Variants in JAKMIP2 observed in about 807,000 individuals in gnomAD.
The protein encoded by JAKMIP2 is janus kinase and microtubule-interacting protein 2.
JAKMIP2 carries 25 observed loss-of-function variants against 115.0 expected under a neutral mutation model. That is an observed-to-expected ratio of 0.22 (90% CI 0.16 to 0.30). The LOEUF (loss-of-function observed/expected upper bound fraction) is 0.30. Among genes scored for constraint, JAKMIP2 ranks in the 10% least tolerant of loss-of-function variants. The pLI, the probability that JAKMIP2 is intolerant of heterozygous loss-of-function variation, is 1.00. For synonymous variants in JAKMIP2, 334 were observed against 343.6 expected (o/e 0.97, Z 0.31); for missense variants, 642 against 957.6 (o/e 0.67, Z 4.35).
intron 1 of JAKMIP2, among the ~76,000 whole-genome samples, chr5:147,730,154 T>TA (rs1753673410): frequency 6.6e-6 from 1 of 152,192 alleles, no homozygotes. Flanking sequence ...CCAATACACT[T>TA]ACATTTGTTT....
At chr5:147,623,006 C>T (rs1011576857) in intron 17 of JAKMIP2, among the ~76,000 whole-genome samples, 1 of 152,098 alleles carries the variant, frequency 6.6e-6, no homozygotes, top group African/African-American at 2.4e-5. Flanking sequence ...CTGTAGCCTC[C>T]ACCTCCTGGG....
Position 147,588,637 on chromosome 5 carries a change from T to C in JAKMIP2, c.*3070A>G, listed in dbSNP as rs1232573444. 6.6e-6 allele frequency: 1 copy of C among 152,106 alleles called. No individual in the cohort carries two copies. Among genetic ancestry groups the C allele is most frequent in the Non-Finnish European group, 1.5e-5 (1 of 68,012 alleles). 9.4% of individuals were successfully genotyped at this position (152,106 alleles called of 1,614,324 possible). ...GCTCATGAGCAAGAGTTGGTAAAAA[T>C]TACAGTTCAGTCTATAGTCTTGAGA... is the stretch of plus-strand genomic sequence containing the variant. On this transcript the variant is annotated 3_prime_UTR_variant, in exon 22 of 22. Coordinates refer to ENST00000616793, the MANE Select transcript of JAKMIP2 (RefSeq NM_001270941.2).
intron 1 of JAKMIP2, among the ~76,000 whole-genome samples, chr5:147,776,510 T>C (rs533306703): frequency 7.9e-5 from 12 of 152,346 alleles, no homozygotes; most frequent in South Asian, 4.1e-4. Flanking sequence ...CTTTCCTTTA[T>C]ACATTACCCG....
chr5:147,691,041 G>C (rs1561541000), intron 1 of JAKMIP2, among the ~76,000 whole-genome samples: 1 of 152,140 alleles, frequency 6.6e-6, no homozygotes, highest in East Asian at 1.9e-4. Flanking sequence ...CTCAAGATTG[G>C]TTAATGTGAC....
intron 6 of JAKMIP2, 127 bp downstream of exon 6, chr5:147,644,722 CT>C: frequency 3.6e-6 from 3 of 822,414 alleles, no homozygotes; most frequent in Non-Finnish European, 5.6e-6. Flanking sequence ...TTAAGGCTTC[CT>C]TGCTTACATA....
intron 20 of JAKMIP2, among the ~76,000 whole-genome samples, chr5:147,607,558 C>G (rs938401033): frequency 1.3e-5 from 2 of 152,142 alleles, no homozygotes; most frequent in African/African-American, 4.8e-5. Flanking sequence ...TTTTAATGTG[C>G]TGCTGGATTT....
chr5:147,681,612 G>T (rs1458846530), intron 1 of JAKMIP2, among the ~76,000 whole-genome samples: 1 of 152,150 alleles, frequency 6.6e-6, no homozygotes, highest in African/African-American at 2.4e-5. Flanking sequence ...GGACATGTGT[G>T]TGCTAAGCAA....
At chr5:147,594,018 A>G (rs1755227036) in intron 21 of JAKMIP2, among the ~76,000 whole-genome samples, 1 of 152,190 alleles carries the variant, frequency 6.6e-6, no homozygotes, top group Non-Finnish European at 1.5e-5. Flanking sequence ...CATCATTTCC[A>G]CCTATCACAA....
rs142687833 is a variant in JAKMIP2, at chr5:147,677,421, C to T, written c.-148-5467G>A. Among the ~76,000 whole-genome samples the T allele has an allele frequency of 3.6e-3, 550 of 152,180 alleles. 2 individuals carry two copies. The highest frequency in any genetic ancestry group is 0.012 in the African/African-American group (510 of 41,514). ...CAGAAGACTTTATATATTAAAAGAG[C>T]CCTTTATTTAGGAACTGGCACAAAA... is the stretch of plus-strand genomic sequence containing the variant. On this transcript the variant is annotated intron_variant, in intron 1 of 21. Transcript: ENST00000616793.
intron 1 of JAKMIP2, among the ~76,000 whole-genome samples, chr5:147,777,154 T>G (rs1222216338): frequency 1.3e-5 from 2 of 152,122 alleles, no homozygotes; most frequent in African/African-American, 2.4e-5. Context: ...ATGACCAAGG[T>G]TAATTTAATA....
chr5:147,591,772 A>C, intron 21 of JAKMIP2, 86 bp from the exon 22 acceptor site: 1 of 824,452 alleles, frequency 1.2e-6, no homozygotes, highest in Non-Finnish European at 2.0e-6. Context: ...AAAGACACAA[A>C]TTTTTTATTC....
At chr5:147,617,849 C>A in intron 19 of JAKMIP2, 62 bp downstream of exon 19, 3 of 1,310,712 alleles carry the variant, frequency 2.3e-6, no homozygotes, top group Non-Finnish European at 3.3e-6. Flanking sequence ...ATACCGTGTA[C>A]CTAGTACTAA....
At chr5:147,618,463 A>G (rs1756691781) in intron 18 of JAKMIP2, among the ~76,000 whole-genome samples, 1 of 152,118 alleles carries the variant, frequency 6.6e-6, no homozygotes, top group African/African-American at 2.4e-5. Flanking sequence ...CTGGCCAGGC[A>G]CGGTGGCTCA....
intron 19 of JAKMIP2, among the ~76,000 whole-genome samples, chr5:147,614,399 G>A (rs560726575): frequency 1.6e-4 from 24 of 152,150 alleles, no homozygotes; most frequent in Non-Finnish European, 2.8e-4. Flanking sequence ...ATCATATGAC[G>A]TATACTTGAT....
chr5:147,702,603 GGAAAGAAAGAAA>G (rs67153684), intron 1 of JAKMIP2, among the ~76,000 whole-genome samples: 16,476 of 91,066 alleles, frequency 0.18, 1,518 homozygotes, highest in Non-Finnish European at 0.2. Context: ...AAAGAAAGAA[GGAAAGAAAGAAA>G]GAAAGAAAGA....
At chr5:147,624,201 G>A (rs73268117) in intron 16 of JAKMIP2, among the ~76,000 whole-genome samples, 9,382 of 152,170 alleles carry the variant, frequency 0.062, 822 homozygotes, top group African/African-American at 0.19. Flanking sequence ...CACCCATTCA[G>A]CAAATGCATT....
intron 5 of JAKMIP2, among the ~76,000 whole-genome samples, chr5:147,647,083 G>A (rs571643249): frequency 5.7e-4 from 86 of 152,024 alleles, no homozygotes; most frequent in African/African-American, 1.8e-3. Context: ...TGCTAAAATT[G>A]ACTGTATGCT....
intron 9 of JAKMIP2, among the ~76,000 whole-genome samples, chr5:147,640,473 G>A (rs978784459): frequency 2.6e-5 from 4 of 152,146 alleles, no homozygotes; most frequent in African/African-American, 7.2e-5. Flanking sequence ...TTTGAAAGAA[G>A]TCTTCAAATT....
In JAKMIP2 at chr5:147,601,721, A is replaced by G; in HGVS notation, c.*20+20T>C. 6 of 1,495,230 alleles carry G rather than the reference A, an allele frequency of 4.0e-6. No individual in the cohort carries two copies. The highest frequency in any genetic ancestry group is 5.4e-6 in the Non-Finnish European group (6 of 1,116,722). 92.6% of individuals were successfully genotyped at this position (1,495,230 alleles called of 1,614,324 possible). A position where few individuals can be genotyped will look rare whatever the true frequency, so the allele number is the denominator to read the frequency against. On this transcript the variant is annotated intron_variant, in intron 21 of 21. Transcript: ENST00000616793. ...AAATACCTCTTAGAACCACATTTTG[A>G]GAATTAAATGGAATCTTACCTTTAA...
Sources: gnomAD v4.1 joint callset for allele counts (sites outside exome capture counted in the v4.1 genomes callset) on GRCh38, gnomAD v4.1.1 for gene constraint, MANE v1.5 for transcripts, NCBI Gene and HGNC (gene_info 2026-07-23, HGNC 2026-07-21) for gene names.